Variants in OR9Q1 observed in about 807,000 individuals in gnomAD.
The protein encoded by OR9Q1 is olfactory receptor family 9 subfamily Q member 1, also known as olfactory receptor 9Q1.
For missense variants in OR9Q1, 374 were observed against 378.8 expected, an observed-to-expected ratio of 0.99 and a Z score of 0.11; for synonymous variants, 153 against 148.6, an observed-to-expected ratio of 1.03 and a Z score of -0.22.
chr11:58,105,427 C>A (rs995033406), intron 2 of OR9Q1, among the ~76,000 whole-genome samples: 1 of 152,054 alleles, frequency 6.6e-6, no homozygotes, highest in Non-Finnish European at 1.5e-5. Context: ...AAACCACGAC[C>A]AAAATCAAAA....
intron 2 of OR9Q1, among the ~76,000 whole-genome samples, chr11:58,110,433 G>A (rs1202989942): frequency 6.6e-6 from 1 of 152,148 alleles, no homozygotes; most frequent in Non-Finnish European, 1.5e-5. Context: ...GAGGGACCAT[G>A]AAAGACAGTG....
At chr11:58,130,693 A>C (rs1431013492) in intron 2 of OR9Q1, among the ~76,000 whole-genome samples, 2 of 152,030 alleles carry the variant, frequency 1.3e-5, no homozygotes. Flanking sequence ...GTGGTGGTAC[A>C]TGCCTGCTAT....
intron 2 of OR9Q1, among the ~76,000 whole-genome samples, chr11:58,141,690 A>T (rs1854251341): frequency 6.6e-6 from 1 of 152,092 alleles, no homozygotes; most frequent in Non-Finnish European, 1.5e-5. Context: ...CAGTGTCTAG[A>T]TGTTGACGCT....
chr11:58,155,400 CA>C (rs1854398579), intron 2 of OR9Q1, among the ~76,000 whole-genome samples: 2 of 152,078 alleles, frequency 1.3e-5, no homozygotes, highest in South Asian at 2.1e-4. Flanking sequence ...CAAGTTCATA[CA>C]GAAAATGAAC....
chr11:58,179,012 A>G (rs7126668), intron 2 of OR9Q1, among the ~76,000 whole-genome samples: 6,191 of 132,364 alleles, frequency 0.047, 505 homozygotes, highest in African/African-American at 0.16. Context: ...GAAAGAAAGA[A>G]AGAGAGAGAG....
intron 2 of OR9Q1, among the ~76,000 whole-genome samples, chr11:58,148,087 T>C (rs1235544913): frequency 6.6e-6 from 1 of 152,156 alleles, no homozygotes; most frequent in African/African-American, 2.4e-5. Context: ...AACTGACCCA[T>C]TAAAATCAAT....
chr11:58,032,091 C>T (rs533491758), intron 1 of OR9Q1, among the ~76,000 whole-genome samples: 14 of 152,080 alleles, frequency 9.2e-5, no homozygotes, highest in Non-Finnish European at 1.9e-4. Context: ...CAAAACACTG[C>T]TAAAAGAAAT....
At chr11:58,103,578 AT>A (rs1853811333) in intron 2 of OR9Q1, among the ~76,000 whole-genome samples, 1 of 151,778 alleles carries the variant, frequency 6.6e-6, no homozygotes, top group South Asian at 2.1e-4. Context: ...TTTTTTTTAC[AT>A]TTCATAAATT....
chr11:58,081,009 G>A (rs573282948), intron 2 of OR9Q1, among the ~76,000 whole-genome samples: 105 of 151,056 alleles, frequency 7.0e-4, no homozygotes, highest in Middle Eastern at 3.4e-3. Flanking sequence ...GATGTTCCCC[G>A]TCCTGTGTCC....
intron 2 of OR9Q1, chr11:58,117,959 G>C (rs1231388369): frequency 6.6e-6 from 1 of 152,370 alleles, no homozygotes; most frequent in Non-Finnish European, 1.5e-5. Flanking sequence ...GAAGAGAGAA[G>C]TTCATTTCTC....
intron 2 of OR9Q1, among the ~76,000 whole-genome samples, chr11:58,130,787 A>G (rs989600894): frequency 1.3e-5 from 2 of 151,558 alleles, no homozygotes; most frequent in African/African-American, 2.4e-5. Flanking sequence ...AGCCCAGGTG[A>G]CAGAGTAAGA....
intron 1 of OR9Q1, among the ~76,000 whole-genome samples, chr11:58,035,526 C>A (rs943016801): frequency 1.3e-5 from 2 of 152,108 alleles, no homozygotes; most frequent in Non-Finnish European, 2.9e-5. Flanking sequence ...TAGGTAGATG[C>A]ACTTAAAAAG....
intron 2 of OR9Q1, among the ~76,000 whole-genome samples, chr11:58,163,013 A>C (rs913100393): frequency 6.6e-6 from 1 of 152,238 alleles, no homozygotes; most frequent in Non-Finnish European, 1.5e-5. Context: ...TGGAATTTAC[A>C]GAGGGGTGAA....
intron 2 of OR9Q1, among the ~76,000 whole-genome samples, chr11:58,161,995 G>A (rs375789198): frequency 1.3e-4 from 20 of 152,172 alleles, no homozygotes; most frequent in African/African-American, 3.4e-4. Context: ...AGAGCTCCAC[G>A]TAGGTGCTAA....
At chr11:58,176,637 A>C (rs887349923) in intron 2 of OR9Q1, among the ~76,000 whole-genome samples, 1 of 152,182 alleles carries the variant, frequency 6.6e-6, no homozygotes, top group Non-Finnish European at 1.5e-5. Flanking sequence ...GCGGAAAAGA[A>C]GTGGCTAGAA....
chr11:58,151,897 A>G (rs1013438251), intron 2 of OR9Q1, among the ~76,000 whole-genome samples: 3 of 152,118 alleles, frequency 2.0e-5, no homozygotes, highest in Non-Finnish European at 4.4e-5. Context: ...AGTTACAACA[A>G]TCTACTGTAG....
chr11:58,105,519 A>T (rs1256503867), intron 2 of OR9Q1, among the ~76,000 whole-genome samples: 1 of 152,138 alleles, frequency 6.6e-6, no homozygotes, highest in East Asian at 1.9e-4. Context: ...CATGAGATCT[A>T]CCCTCTTCAT....
At chr11:58,139,211 A>T (rs1338007306) in intron 2 of OR9Q1, among the ~76,000 whole-genome samples, 4 of 152,186 alleles carry the variant, frequency 2.6e-5, no homozygotes, top group African/African-American at 9.7e-5. Context: ...TTGGATAAAA[A>T]GGAGGATAAT....
chr11:58,093,682 C>T (rs1853704548), intron 2 of OR9Q1, among the ~76,000 whole-genome samples: 1 of 149,532 alleles, frequency 6.7e-6, no homozygotes, highest in Non-Finnish European at 1.5e-5. Context: ...ATTGCTTGAA[C>T]CCGGGAGGTG....
Sources: gnomAD v4.1 joint callset for allele counts (sites outside exome capture counted in the v4.1 genomes callset) on GRCh38, gnomAD v4.1.1 for gene constraint, MANE v1.5 for transcripts, NCBI Gene and HGNC (gene_info 2026-07-23, HGNC 2026-07-21) for gene names.